SLC6A18: variants seen among roughly 807,000 people sequenced by gnomAD.
SLC6A18 encodes the protein inactive sodium-dependent neutral amino acid transporter B(0)AT3.
A neutral mutation model predicts 62.9 loss-of-function variants in SLC6A18; 58 were observed. That is an observed-to-expected ratio of 0.92 (90% CI 0.75 to 1.15). The LOEUF (loss-of-function observed/expected upper bound fraction) is 1.15, where lower values mean the gene tolerates loss of function less well. Ranked by LOEUF, SLC6A18 falls within the 50% of genes most tolerant of loss-of-function variation. The probability of loss-of-function intolerance (pLI) is 0.00; values close to 1 mark genes in which losing one functional copy is unlikely to be tolerated. For synonymous variants in SLC6A18, 382 were observed against 365.8 expected (o/e 1.04, Z -0.51); for missense variants, 793 against 836.6 (o/e 0.95, Z 0.64).
At chr5:1,229,934 C>T (rs1579525245) in intron 1 of SLC6A18, among the ~76,000 whole-genome samples, 2 of 105,566 alleles carry the variant, frequency 1.9e-5, no homozygotes, top group South Asian at 3.2e-4. Flanking sequence ...CAGGTGCAGG[C>T]TGGAGGGGAG....
chr5:1,227,835 G>A (rs1290785139), intron 1 of SLC6A18, among the ~76,000 whole-genome samples: 1 of 152,318 alleles, frequency 6.6e-6, no homozygotes, highest in Non-Finnish European at 1.5e-5. Flanking sequence ...GCCAAGCGAT[G>A]GGTTCAGGCC....
At chr5:1,238,300 C>T (rs1330899525) in intron 5 of SLC6A18, among the ~76,000 whole-genome samples, 11 of 133,052 alleles carry the variant, frequency 8.3e-5, no homozygotes, top group African/African-American at 3.1e-4. Flanking sequence ...TGGAGTGGGC[C>T]TGGAGGACTC....
chr5:1,245,255 A>T (rs1747188900), intron 11 of SLC6A18, among the ~76,000 whole-genome samples: 1 of 151,948 alleles, frequency 6.6e-6, no homozygotes, highest in Non-Finnish European at 1.5e-5. Context: ...TCCCGAGGAG[A>T]GATCAGAGTG....
At chr5:1,244,175 C>CCAACCCAA in intron 9 of SLC6A18, 39 bp from the exon 10 acceptor site, 3 of 893,914 alleles carry the variant, frequency 3.4e-6, no homozygotes, top group Non-Finnish European at 3.6e-6. Context: ...CTCCACTCCC[C>CCAACCCAA]ATCCCCTTAC....
rs34469326 is a variant in SLC6A18 at position 1,225,488 on chromosome 5, C to A, written c.11C>A (p.Ala4Asp). 5.7e-5 allele frequency: 92 copies of A among 1,611,824 alleles called. No individual in the cohort carries two copies. The highest frequency in any genetic ancestry group is 7.3e-5 in the Non-Finnish European group (86 of 1,179,214). Reference protein sequence around the residue: MAHAPEPDPAACDL... With the variant: MAHDPEPDPAACDL... The stretch of plus-strand genomic sequence containing the variant: ...GGGCACTCAGTCACCATGGCTCATG[C>A]CCCAGAACCGGACCCGGCCGCCTGC... Residue 4 changes from alanine (A) to aspartate (D), a missense_variant, in exon 1 of 12, where the codon GCC becomes GAC. By Grantham distance (126) the Ala-to-Asp change is moderately radical (BLOSUM62 -2). Transcript: ENST00000324642.
In SLC6A18 at chr5:1,243,914, C is replaced by T. The variant is rs1274342487; in HGVS notation, c.1336+155C>T. Among the ~76,000 whole-genome samples, 4 of 152,162 alleles carry T rather than the reference C, an allele frequency of 2.6e-5. No individual in the cohort carries two copies. The highest frequency in any genetic ancestry group is 9.7e-5 in the African/African-American group (4 of 41,438). ...AGCCAGGCTACTCCTTGCTGACAGC[C>T]ATCAACGGAGAGCCGAGGGTCGAGG... is the stretch of plus-strand genomic sequence containing the variant. On this transcript the variant is annotated intron_variant, in intron 9 of 11. Coordinates refer to ENST00000324642, the MANE Select transcript of SLC6A18 (RefSeq NM_182632.3). The surrounding 1 kb of genome is among the most constrained non-coding windows in gnomAD (Gnocchi z 6.5).
At chr5:1,228,874 A>G (rs1404591603) in intron 1 of SLC6A18, among the ~76,000 whole-genome samples, 1 of 152,226 alleles carries the variant, frequency 6.6e-6, no homozygotes, top group Non-Finnish European at 1.5e-5. Context: ...GCTGTCTCAA[A>G]ACAAACACCC....
chr5:1,232,867 C>T lies in SLC6A18; in HGVS notation c.418C>T (p.Pro140Ser). The T allele has an allele frequency of 6.2e-7, 1 of 1,612,632 alleles. No individual in the cohort carries two copies. The highest frequency in any genetic ancestry group is 2.2e-5 in the East Asian group (1 of 44,874). Reference sequence around the variant, plus strand: ...GCACCCGCTGCCCTGGAGCTCCTGCCCACCGGACCTCAACAGAACAGGTGA... The same window carrying T: ...GCACCCGCTGCCCTGGAGCTCCTGCTCACCGGACCTCAACAGAACAGGTGA... ...FQHPLPWSSC[P>S]PDLNRTGFVE... Residue 140 changes from proline to serine, a missense_variant, in exon 3 of 12, where the codon CCA becomes TCA. Coordinates refer to ENST00000324642, the MANE Select transcript of SLC6A18 (RefSeq NM_182632.3).
At chr5:1,234,175 C>T (rs927643395) in intron 3 of SLC6A18, among the ~76,000 whole-genome samples, 8 of 152,216 alleles carry the variant, frequency 5.3e-5, no homozygotes, top group African/African-American at 1.9e-4. Context: ...TGAGCCACTG[C>T]ACTCAACTGA....
At chr5:1,231,645 A>G (rs1746733298) in intron 1 of SLC6A18, among the ~76,000 whole-genome samples, 1 of 152,202 alleles carries the variant, frequency 6.6e-6, no homozygotes, top group Non-Finnish European at 1.5e-5. Context: ...AGGCGACCTC[A>G]CACAAAAGCA....
rs1747053901 is a variant in SLC6A18, at chr5:1,241,285, G to A, written c.974+626G>A. Reference sequence around the variant, plus strand: ...GTGAACTACCTTCAGGTGGGTCCTTGAGAACCCACTGGGCAGACAGCACGT... The same window carrying A: ...GTGAACTACCTTCAGGTGGGTCCTTAAGAACCCACTGGGCAGACAGCACGT... On this transcript the variant is annotated intron_variant, in intron 7 of 11. Coordinates refer to ENST00000324642, the MANE Select transcript of SLC6A18 (RefSeq NM_182632.3). The surrounding 1 kb of genome is among the most constrained non-coding windows in gnomAD (Gnocchi z 7.8). 6.6e-6 allele frequency among the ~76,000 whole-genome samples: 1 copy of A among 152,212 alleles called. No homozygotes were observed. Among genetic ancestry groups the A allele is most frequent in the Non-Finnish European group, 1.5e-5 (1 of 68,024 alleles).
At chr5:1,239,672 G>C (rs2126538194) in intron 6 of SLC6A18, 110 bp downstream of exon 6, 1 of 844,978 alleles carries the variant, frequency 1.2e-6, no homozygotes, top group South Asian at 1.6e-5. Flanking sequence ...GTGTGAACCT[G>C]AGATAAGAAC....
chr5:1,234,619 G>T (rs958988224), intron 3 of SLC6A18, among the ~76,000 whole-genome samples: 2 of 152,232 alleles, frequency 1.3e-5, no homozygotes, highest in African/African-American at 4.8e-5. Context: ...CCCCATAACT[G>T]CCCTTCCCAC....
In SLC6A18 at chr5:1,225,561, C is replaced by T. The variant is rs33978774; in HGVS notation, c.84C>T (p.Leu28=). 0.16 allele frequency: 260,145 copies of T among 1,612,554 alleles called. 23,144 individuals carry two copies. Among genetic ancestry groups the T allele is most frequent in the Non-Finnish European group, 0.18 (215,816 of 1,179,014 alleles). Residue 28 remains leucine, a synonymous_variant, in exon 1 of 12, where the codon CTC becomes CTT. Coordinates refer to ENST00000324642, the MANE Select transcript of SLC6A18 (RefSeq NM_182632.3). The part of the protein sequence containing the change: ...RPKWDNKAQY[L]LSCTGFAVGL... ...AGTGGGACAACAAGGCCCAGTACCT[C>T]CTGAGCTGCACTGGGTTTGCCGTGG... is the stretch of plus-strand genomic sequence containing the variant.
chr5:1,242,155 G>A (rs941336204), intron 7 of SLC6A18, among the ~76,000 whole-genome samples: 3 of 152,212 alleles, frequency 2.0e-5, no homozygotes, highest in South Asian at 2.1e-4. Context: ...CCCACAGGGC[G>A]AATCAGGACC....
intron 1 of SLC6A18, among the ~76,000 whole-genome samples, chr5:1,229,768 C>G (rs1579525086): frequency 6.8e-6 from 1 of 146,904 alleles, no homozygotes; most frequent in Admixed American, 6.7e-5. Flanking sequence ...AAGGCCTCCA[C>G]GGTGCAGGCT....
chr5:1,225,624 G>A lies in SLC6A18; in HGVS notation c.147G>A (p.Gln49=). ...GNIWRFPYLC[Q]TYGGGAFLIP... The stretch of plus-strand genomic sequence containing the variant: ...TTTGGCGGTTCCCATACCTGTGCCA[G>A]ACCTATGGAGGAGGTAAGCACCCAC... Residue 49 remains glutamine, a synonymous_variant, in exon 1 of 12, where the codon CAG becomes CAA. Coordinates refer to ENST00000324642, the MANE Select transcript of SLC6A18 (RefSeq NM_182632.3). 1 of 1,589,788 alleles carries A rather than the reference G, an allele frequency of 6.3e-7. No individual in the cohort carries two copies. The highest frequency in any genetic ancestry group is 8.6e-7 in the Non-Finnish European group (1 of 1,167,804).
At chr5:1,245,523 TA>T (rs1579535929) in intron 11 of SLC6A18, among the ~76,000 whole-genome samples, 2 of 152,132 alleles carry the variant, frequency 1.3e-5, no homozygotes. Context: ...ACCCAGTGTA[TA>T]GGGGAGAAAG....
chr5:1,243,419 C>A lies in SLC6A18; in HGVS notation c.1132-136C>A. On this transcript the variant is annotated intron_variant, in intron 8 of 11. Transcript: ENST00000324642. This position sits in a 1 kb window ranked among gnomAD's most constrained non-coding sequence, Gnocchi z 6.5. ...AGAAGGCATGGCCAGCCCTGAGCCA[C>A]CTCAGCCCGACACCAGGAGGGGTGA... The A allele has an allele frequency of 9.9e-7, 1 of 1,005,216 alleles. No individual in the cohort carries two copies. The highest frequency in any genetic ancestry group is 2.1e-5 in the Admixed American group (1 of 47,150). The allele number at this position is 1,005,216 out of a possible 1,614,324, so 62.3% of individuals were successfully genotyped here.
Sources: gnomAD v4.1 joint callset for allele counts (sites outside exome capture counted in the v4.1 genomes callset) on GRCh38, gnomAD v4.1.1 for gene constraint, Gnocchi (gnomAD v3.1) non-coding constraint, MANE v1.5 for transcripts, NCBI Gene and HGNC (gene_info 2026-07-23, HGNC 2026-07-21) for gene names.